Variants in RBFOX1 observed in about 807,000 individuals in gnomAD.
RBFOX1 encodes RNA binding protein fox-1 homolog 1.
RBFOX1 carries 8 observed loss-of-function variants against 57.7 expected under a neutral mutation model. That is an observed-to-expected ratio of 0.14 (90% CI 0.08 to 0.25). The LOEUF (loss-of-function observed/expected upper bound fraction) is 0.25. Among genes scored for constraint, RBFOX1 ranks in the 10% least tolerant of loss-of-function variants. The probability of loss-of-function intolerance (pLI) is 1.00; values close to 1 mark genes in which losing one functional copy is unlikely to be tolerated. For missense variants in RBFOX1, 611 were observed against 548.5 expected, an observed-to-expected ratio of 1.11 and a Z score of -1.14; for synonymous variants, 326 against 222.4, an observed-to-expected ratio of 1.47 and a Z score of -4.15.
intron 4 of RBFOX1, among the ~76,000 whole-genome samples, chr16:5,973,771 C>T (rs748089198): frequency 4.6e-5 from 7 of 152,138 alleles, no homozygotes; most frequent in Non-Finnish European, 8.8e-5. Flanking sequence ...TTTCTTTGTT[C>T]ATTCATTCAT....
chr16:7,709,483 C>A, intron 15 of RBFOX1: 1 of 1,462,080 alleles, frequency 6.8e-7, no homozygotes, highest in Admixed American at 2.8e-5. Flanking sequence ...CCTTGCTGCT[C>A]ATTCACATAG....
chr16:6,321,812 G>C (rs2081836844), intron 2 of RBFOX1, among the ~76,000 whole-genome samples: 1 of 152,142 alleles, frequency 6.6e-6, no homozygotes, highest in South Asian at 2.1e-4. Context: ...CTGATGGCTG[G>C]TTTTTATTTC....
intron 14 of RBFOX1, among the ~76,000 whole-genome samples, chr16:7,708,331 A>G (rs939904807): frequency 6.6e-6 from 1 of 152,206 alleles, no homozygotes; most frequent in East Asian, 1.9e-4. Context: ...CCTAAAGCCT[A>G]TACCAGAAGC....
chr16:5,586,017 G>A (rs181687265), intron 2 of RBFOX1, among the ~76,000 whole-genome samples: 1 of 152,120 alleles, frequency 6.6e-6, no homozygotes, highest in Admixed American at 6.5e-5. Flanking sequence ...TAAATCCAAC[G>A]ACTGGTGTCT....
chr16:6,040,627 A>C (rs544784530), intron 1 of RBFOX1, among the ~76,000 whole-genome samples: 14 of 149,086 alleles, frequency 9.4e-5, no homozygotes, highest in African/African-American at 3.5e-4. Flanking sequence ...AGACAGTCTT[A>C]CTCTGTTGCC....
At chr16:6,550,487 A>G (rs2096970106) in intron 2 of RBFOX1, among the ~76,000 whole-genome samples, 1 of 152,118 alleles carries the variant, frequency 6.6e-6, no homozygotes, top group South Asian at 2.1e-4. Context: ...CACCATGCCC[A>G]CCTAATTTTC....
chr16:6,915,431 T>G (rs1354701090), intron 3 of RBFOX1, among the ~76,000 whole-genome samples: 1 of 152,218 alleles, frequency 6.6e-6, no homozygotes, highest in African/African-American at 2.4e-5. Flanking sequence ...GTAGCCCGTT[T>G]TCTTATTTCC....
At chr16:6,261,528 C>T (rs1290091635) in intron 1 of RBFOX1, among the ~76,000 whole-genome samples, 1 of 152,154 alleles carries the variant, frequency 6.6e-6, no homozygotes, top group African/African-American at 2.4e-5. Context: ...GGCTGCTGAG[C>T]CATTTGCTGG....
intron 3 of RBFOX1, among the ~76,000 whole-genome samples, chr16:6,832,962 C>G (rs1262806503): frequency 6.6e-6 from 1 of 152,158 alleles, no homozygotes; most frequent in Non-Finnish European, 1.5e-5. Context: ...TACAGTCACA[C>G]AAATTGATAT....
chr16:6,285,330 A>T (rs8062427), intron 1 of RBFOX1, among the ~76,000 whole-genome samples: 118,526 of 152,052 alleles, frequency 0.78, 47,592 homozygotes, highest in East Asian at 0.87. Flanking sequence ...TTAAGACTAT[A>T]TCTGGAAGTA....
intron 3 of RBFOX1, among the ~76,000 whole-genome samples, chr16:6,986,386 A>G (rs1016620368): frequency 6.6e-5 from 10 of 151,844 alleles, no homozygotes; most frequent in African/African-American, 2.4e-4. Context: ...TCTAGTAGAG[A>G]CGGGGTTTCA....
At chr16:5,421,089 G>A (rs1448361345) in intron 1 of RBFOX1, among the ~76,000 whole-genome samples, 10 of 151,388 alleles carry the variant, frequency 6.6e-5, no homozygotes, top group East Asian at 1.9e-4. Flanking sequence ...TCACTGCAGC[G>A]TCCGCCTCCT....
chr16:6,357,823 T>C (rs1040532172), intron 2 of RBFOX1, among the ~76,000 whole-genome samples: 13 of 151,880 alleles, frequency 8.6e-5, no homozygotes, highest in African/African-American at 2.9e-4. Flanking sequence ...TGGTGGTGGG[T>C]GCCTGCAGTC....
intron 4 of RBFOX1, among the ~76,000 whole-genome samples, chr16:7,359,400 G>C (rs906934092): frequency 6.6e-6 from 1 of 152,148 alleles, no homozygotes; most frequent in Non-Finnish European, 1.5e-5. Flanking sequence ...CTGTGTGTTT[G>C]TGTGCACATG....
chr16:6,606,016 G>A (rs2097920266), intron 2 of RBFOX1, among the ~76,000 whole-genome samples: 1 of 152,096 alleles, frequency 6.6e-6, no homozygotes, highest in African/African-American at 2.4e-5. Flanking sequence ...GACTGAGGCA[G>A]GAGGATCACT....
intron 4 of RBFOX1, among the ~76,000 whole-genome samples, chr16:7,146,774 C>T (rs1001854111): frequency 4.6e-5 from 7 of 151,116 alleles, no homozygotes; most frequent in African/African-American, 1.5e-4. Context: ...CATAGTGAGA[C>T]CCCCAACTCT....
At chr16:7,055,743 G>C (rs2051970123) in intron 4 of RBFOX1, among the ~76,000 whole-genome samples, 1 of 152,164 alleles carries the variant, frequency 6.6e-6, no homozygotes, top group South Asian at 2.1e-4. Flanking sequence ...ACAAAAGTAG[G>C]ATTTACTTAA....
chr16:5,663,655 C>G (rs1255900769), intron 3 of RBFOX1, among the ~76,000 whole-genome samples: 1 of 152,194 alleles, frequency 6.6e-6, no homozygotes, highest in African/African-American at 2.4e-5. Context: ...TGTAAAGCCC[C>G]TACTTGGTGT....
At chr16:6,053,958 A>T (rs2152441698) in intron 1 of RBFOX1, among the ~76,000 whole-genome samples, 1 of 152,310 alleles carries the variant, frequency 6.6e-6, no homozygotes, top group Non-Finnish European at 1.5e-5. Context: ...CAGGAGGCTC[A>T]GGTGGGAGGA....
Sources: allele counts gnomAD v4.1 joint callset (sites outside exome capture counted in the v4.1 genomes callset), GRCh38; gene constraint gnomAD v4.1.1; transcripts MANE v1.5; gene names NCBI Gene and HGNC (gene_info 2026-07-23, HGNC 2026-07-21).